MMACHC: variants seen among roughly 807,000 people sequenced by gnomAD.
MMACHC encodes cyanocobalamin reductase / alkylcobalamin dealkylase.
A neutral mutation model predicts 17.6 loss-of-function variants in MMACHC; 14 were observed. The ratio of observed to expected loss-of-function variants is 0.80; its 90% confidence interval spans 0.53 to 1.25. MMACHC has a LOEUF of 1.25. Among genes scored for constraint, MMACHC ranks in the 50% most tolerant of loss-of-function variants. The pLI is 0.00. For synonymous variants in MMACHC, 151 were observed against 142.1 expected, an observed-to-expected ratio of 1.06 and a Z score of -0.45; for missense variants, 392 against 364.5, an observed-to-expected ratio of 1.08 and a Z score of -0.62.
In MMACHC at chr1:45,500,397, A is replaced by G; in HGVS notation, c.65A>G (p.Glu22Gly). The part of the protein sequence containing the change: ...IEDTLCPFGF[E>G]VYPFQVAWYN... ...GACACGCTATGTCCTTTTGGCTTCG[A>G]GGTTTACCCCTTCCAGGTTAGTTTA... is the stretch of plus-strand genomic sequence containing the variant. The change falls in exon 1 of 4, where the codon GAG (glutamate) becomes GGG (glycine). Residue 22 changes from glutamate (E) to glycine (G), a missense_variant. Glu to Gly is a moderately conservative substitution (Grantham distance 98). Transcript: ENST00000401061. 1 of 1,614,180 alleles carries G rather than the reference A, an allele frequency of 6.2e-7. No homozygotes were observed.
chr1:45,510,880 G>GT lies in MMACHC; in HGVS notation c.*1666dup, dbSNP rs1643728612. The stretch of plus-strand genomic sequence containing the variant: ...TCCCTCATGTGTAGTGAAACAAAAT[G>GT]TAACACCTTGGGTTCATTCAGTTCC... On this transcript the variant is annotated 3_prime_UTR_variant, in exon 4 of 4. Transcript: ENST00000401061. 6.5e-6 allele frequency: 1 copy of GT among 153,042 alleles called. No homozygotes were observed. Among genetic ancestry groups the GT allele is most frequent in the South Asian group, 2.1e-4 (1 of 4,846 alleles). The allele number at this position is 153,042 out of a possible 1,614,324, so 9.5% of individuals were successfully genotyped here.
rs200333851 is a variant in MMACHC at position 45,509,260 on chromosome 1, C to A, written c.*45C>A. 1.7e-4 allele frequency: 267 copies of A among 1,610,642 alleles called. No homozygotes were observed. The highest frequency in any genetic ancestry group is 1.7e-5 in the Non-Finnish European group (20 of 1,177,330). On this transcript the variant is annotated 3_prime_UTR_variant, in exon 4 of 4. Coordinates refer to ENST00000401061, the MANE Select transcript of MMACHC (RefSeq NM_015506.3). ...TGATTTATGGTGGTACTTGCTAGGA[C>A]TTAATTGGCTTTGGCAAAGCAAAAG...
intron 2 of MMACHC, among the ~76,000 whole-genome samples, 185 bp downstream of exon 2, chr1:45,507,735 C>A (rs1643656614): frequency 7.5e-6 from 1 of 133,602 alleles, no homozygotes; most frequent in African/African-American, 2.9e-5. Context: ...GGTTCCACCA[C>A]CCTCATCTAG....
chr1:45,502,682 G>A (rs1396736382), intron 1 of MMACHC, among the ~76,000 whole-genome samples: 1 of 151,632 alleles, frequency 6.6e-6, no homozygotes, highest in Admixed American at 6.6e-5. Context: ...TCAAGACTTA[G>A]CATCCAAGGA....
chr1:45,507,633 AG>A, intron 2 of MMACHC, 83 bp downstream of exon 2: 1 of 1,469,156 alleles, frequency 6.8e-7, no homozygotes, highest in South Asian at 1.2e-5. Context: ...ATCTAGACCT[AG>A]GGCTAGGAGC....
At chr1:45,506,459 C>T (rs904914967) in intron 1 of MMACHC, among the ~76,000 whole-genome samples, 8 of 151,938 alleles carry the variant, frequency 5.3e-5, no homozygotes, top group African/African-American at 1.9e-4. Context: ...TGTGGGTCCT[C>T]GTTCCTGGGT....
In MMACHC at chr1:45,507,514, C is replaced by T. The variant is rs377647839; in HGVS notation, c.240C>T (p.Asp80=). ...TCCGAATGCTGACTGACCCAGTGGA[C>T]CAGTGTGTGGCCTACCATCTGGGCC... ...CHLRMLTDPV[D]QCVAYHLGRV... Residue 80 remains aspartate, a synonymous_variant, in exon 2 of 4, where the codon GAC becomes GAT. Transcript: ENST00000401061. The T allele has an allele frequency of 6.2e-7, 1 of 1,614,182 alleles. No individual in the cohort carries two copies. Among genetic ancestry groups the T allele is most frequent in the Non-Finnish European group, 8.5e-7 (1 of 1,180,034 alleles).
intron 3 of MMACHC, 23 bp from the exon 4 acceptor site, chr1:45,508,773 G>C (rs914254696): frequency 6.2e-7 from 1 of 1,609,574 alleles, no homozygotes; most frequent in Non-Finnish European, 8.5e-7. Context: ...CCATGACCTT[G>C]CTTTTCTTCA....
chr1:45,503,347 G>A (rs549099977), intron 1 of MMACHC, among the ~76,000 whole-genome samples: 16 of 151,764 alleles, frequency 1.1e-4, no homozygotes, highest in Non-Finnish European at 2.1e-4. Flanking sequence ...GTGGTGAGTC[G>A]AGATCGCGCC....
At chr1:45,507,883 T>TG (rs1643658731) in intron 2 of MMACHC, among the ~76,000 whole-genome samples, 2 of 152,228 alleles carry the variant, frequency 1.3e-5, no homozygotes, top group Admixed American at 1.3e-4. Flanking sequence ...GTCCTAGACC[T>TG]GCAAGCTTTA....
At position 45,509,220 on chromosome 1, in the gene MMACHC, C is replaced by T. The variant is rs557994288; in HGVS notation, c.*5C>T. On this transcript the variant is annotated 3_prime_UTR_variant, in exon 4 of 4. Coordinates refer to ENST00000401061, the MANE Select transcript of MMACHC (RefSeq NM_015506.3). ...CCTGCATCCCCTGGCCCTTGATTTT[C>T]TCCCATGTGGACCCTGATTTATGGT... 2.9e-5 allele frequency: 46 copies of T among 1,614,016 alleles called. 1 individual carries two copies. In the South Asian group the frequency reaches 4.9e-4, roughly 17 times the overall value.
intron 1 of MMACHC, among the ~76,000 whole-genome samples, chr1:45,506,385 G>A (rs1643620322): frequency 6.6e-6 from 1 of 152,174 alleles, no homozygotes; most frequent in Non-Finnish European, 1.5e-5. Context: ...TGCGTTGACA[G>A]CCACTTTGAC....
chr1:45,508,462 C>A, intron 3 of MMACHC, 98 bp downstream of exon 3: 20 of 1,376,330 alleles, frequency 1.5e-5, no homozygotes, highest in Non-Finnish European at 1.9e-5. Context: ...GGATGTGACA[C>A]AACCCAGAAC....
chr1:45,508,598 A>C (rs1317723565), intron 3 of MMACHC, among the ~76,000 whole-genome samples, 198 bp from the exon 4 acceptor site: 1 of 152,212 alleles, frequency 6.6e-6, no homozygotes, highest in Non-Finnish European at 1.5e-5. Context: ...CAGTGTTAAG[A>C]CTAGTGGTGA....
At chr1:45,503,200 ACC>A (rs1357501024) in intron 1 of MMACHC, among the ~76,000 whole-genome samples, 1 of 151,916 alleles carries the variant, frequency 6.6e-6, no homozygotes, top group Non-Finnish European at 1.5e-5. Context: ...GGGGTTCAAG[ACC>A]AGCCTGGCTA....
rs201680763 is a variant in MMACHC at position 45,509,008 on chromosome 1, C to A, written c.642C>A (p.Arg214=). The change falls in exon 4 of 4, where the codon CGC becomes CGA. Residue 214 remains arginine, a synonymous_variant. Coordinates refer to ENST00000401061, the MANE Select transcript of MMACHC (RefSeq NM_015506.3). The stretch of plus-strand genomic sequence containing the variant: ...GGGATGCTGTGACACCCCAGGAGCG[C>A]TACTCAGAAGAGCAGAAGGCCTACT... ...TYRDAVTPQE[R]YSEEQKAYFS... is the part of the protein sequence containing the mutation. The A allele has an allele frequency of 4.3e-6, 7 of 1,614,212 alleles. No individual in the cohort carries two copies. The African/African-American group carries it at 9.3e-5, about 22-fold the overall frequency.
intron 3 of MMACHC, among the ~76,000 whole-genome samples, 186 bp downstream of exon 3, chr1:45,508,550 T>G (rs1171609617): frequency 1.3e-5 from 2 of 152,174 alleles, no homozygotes; most frequent in African/African-American, 4.8e-5. Context: ...ATCAGAAAAC[T>G]TAGTCTGCAG....
At chr1:45,507,250 G>A in intron 1 of MMACHC, 106 bp from the exon 2 acceptor site, 1 of 996,354 alleles carries the variant, frequency 1.0e-6, no homozygotes, top group Non-Finnish European at 1.5e-6. Flanking sequence ...CACTGAATGA[G>A]TGAGATGGAG....
Position 45,511,487 on chromosome 1 carries a change from C to T in MMACHC, c.*2272C>T, listed in dbSNP as rs1297327908. 1 of 1,242,466 alleles carries T rather than the reference C, an allele frequency of 8.0e-7. No homozygotes were observed. Among genetic ancestry groups the T allele is most frequent in the Admixed American group, 2.0e-5 (1 of 49,996 alleles). The allele number at this position is 1,242,466 out of a possible 1,614,324, so 77.0% of individuals were successfully genotyped here. On this transcript the variant is annotated 3_prime_UTR_variant, in exon 4 of 4. Transcript: ENST00000401061. The stretch of plus-strand genomic sequence containing the variant: ...ACCACCATTCTCCTATGGACAAAAC[C>T]AGTTCTGCACCTGAACACTCAGATA...
Sources: allele counts gnomAD v4.1 joint callset (sites outside exome capture counted in the v4.1 genomes callset), GRCh38; gene constraint gnomAD v4.1.1; transcripts MANE v1.5; gene names NCBI Gene and HGNC (gene_info 2026-07-23, HGNC 2026-07-21).